Variants in RNF40 observed in about 807,000 individuals in gnomAD.
RNF40 encodes the protein E3 ubiquitin-protein ligase BRE1B.
In RNF40, 39 loss-of-function variants were observed where a neutral mutation model predicts 123.3. The observed-to-expected ratio is 0.32, with a 90% confidence interval of 0.24 to 0.41. The LOEUF (loss-of-function observed/expected upper bound fraction) is 0.41. Among genes scored for constraint, RNF40 ranks in the 10% least tolerant of loss-of-function variants. The pLI, the probability that RNF40 is intolerant of heterozygous loss-of-function variation, is 1.00. For synonymous variants in RNF40, 538 were observed against 526.0 expected (o/e 1.02, Z -0.31); for missense variants, 1,003 against 1,319.9 (o/e 0.76, Z 3.72).
chr16:30,761,952 G>A (rs1006651856), upstream of RNF40: 12 of 590,056 alleles, frequency 2.0e-5, no homozygotes, highest in Non-Finnish European at 3.5e-5. Context: ...GCTTGTGAGG[G>A]AAGGAAGGCG....
At chr16:30,762,430 TG>T in intron 1 of RNF40, 44 bp from the exon 2 acceptor site, 1 of 1,160,002 alleles carries the variant, frequency 8.6e-7, no homozygotes. Context: ...TTTGGGGCTG[TG>T]GAACACCAGC....
chr16:30,767,123 G>A (rs1259535230), intron 11 of RNF40, among the ~76,000 whole-genome samples: 1 of 152,188 alleles, frequency 6.6e-6, no homozygotes, highest in African/African-American at 2.4e-5. Flanking sequence ...CTTCTGGTCT[G>A]ATGACGTCTC....
intron 6 of RNF40, 51 bp downstream of exon 6, chr16:30,765,110 G>A: frequency 6.2e-7 from 1 of 1,611,608 alleles, no homozygotes; most frequent in Non-Finnish European, 8.5e-7. Flanking sequence ...CAGGATTTGG[G>A]TTAGATGGGC....
Position 30,766,460 on chromosome 16 carries a change from TACA to T in RNF40, c.1198_1200del (p.Asn400del). On this transcript the variant is annotated inframe_deletion, in exon 10 of 20. Transcript: ENST00000324685. This position sits in a 1 kb window ranked among gnomAD's most constrained non-coding sequence, Gnocchi z 5.4. ...GCTGCAGGCCCAATTCTCACTGCTC[TACA>T]ACGAGTCTCTGCAAGTGAAGACCCA... 1.2e-6 allele frequency: 2 copies of T among 1,613,948 alleles called. No individual in the cohort carries two copies. The highest frequency in any genetic ancestry group is 8.5e-7 in the Non-Finnish European group (1 of 1,180,022).
intron 15 of RNF40, 32 bp downstream of exon 15, chr16:30,769,019 C>T (rs776022567): frequency 9.9e-6 from 16 of 1,613,044 alleles, no homozygotes; most frequent in East Asian, 6.7e-5. Context: ...CGCGTCGGAG[C>T]GCAGGGAGTT....
At position 30,766,267 on chromosome 16, in the gene RNF40, C is replaced by T. The variant is rs1451803415; in HGVS notation, c.1098C>T (p.Thr366=). ...CCGAACTTCAGGGGGCTGTGCGGAC[C>T]AATGAGCGCCTCAAGGTGGGCTGCT... ...LQAELQGAVR[T]NERLKVALRS... Residue 366 remains threonine (T), a synonymous_variant, in exon 9 of 20, where the codon ACC becomes ACT. Coordinates refer to ENST00000324685, the MANE Select transcript of RNF40 (RefSeq NM_014771.4). The surrounding 1 kb of genome is among the most constrained non-coding windows in gnomAD (Gnocchi z 5.4). 1 of 1,614,078 alleles carries T rather than the reference C, an allele frequency of 6.2e-7. No homozygotes were observed. Among genetic ancestry groups the T allele is most frequent in the Non-Finnish European group, 8.5e-7 (1 of 1,179,998 alleles).
upstream of RNF40, chr16:30,761,814 G>A (rs2053829648): frequency 2.1e-6 from 3 of 1,406,640 alleles, no homozygotes; most frequent in South Asian, 4.2e-5. Flanking sequence ...GACAGCCAGC[G>A]CTCGGTCGGC....
Position 30,768,269 on chromosome 16 carries a change from C to G in RNF40, c.1718C>G (p.Thr573Ser). Residue 573 changes from threonine to serine, a missense_variant, in exon 13 of 20, where the codon ACT becomes AGT. By Grantham distance (58) the Thr-to-Ser change is moderately conservative. Coordinates refer to ENST00000324685, the MANE Select transcript of RNF40 (RefSeq NM_014771.4). This position sits in a 1 kb window ranked among gnomAD's most constrained non-coding sequence, Gnocchi z 4.1. ...EMAPVPGTTT[T>S]TTSVKKEELV... ...GCTCCAGTGCCTGGCACCACCACTA[C>G]TACCACTTCAGTGAAGAAGGAGGAG... 1.2e-6 allele frequency: 2 copies of G among 1,614,036 alleles called. No individual in the cohort carries two copies. The highest frequency in any genetic ancestry group is 1.1e-5 in the South Asian group (1 of 91,088).
chr16:30,762,080 T>A (rs2053843759), upstream of RNF40: 1 of 398,512 alleles, frequency 2.5e-6, no homozygotes, highest in South Asian at 3.9e-5. Flanking sequence ...GGTGCTGTCC[T>A]CCAGGCTGGG....
At chr16:30,765,960 G>T (rs2151328387) in intron 8 of RNF40, among the ~76,000 whole-genome samples, 1 of 152,290 alleles carries the variant, frequency 6.6e-6, no homozygotes, top group African/African-American at 2.4e-5. Flanking sequence ...TCAGTTAAGA[G>T]CCTTAGTTCC....
At position 30,772,155 on chromosome 16, in the gene RNF40, G is replaced by A. The variant is rs201668303; in HGVS notation, c.2794G>A (p.Asp932Asn). The stretch of plus-strand genomic sequence containing the variant: ...GAAGGTGGAGGTCTACGCAGATGCC[G>A]ACGAAATCCTCCAGGAGGAGATCAA... ...QRKVEVYADA[D>N]EILQEEIKEY... The change falls in exon 19 of 20, where the codon GAC becomes AAC. Residue 932 changes from aspartate (D) to asparagine (N), a missense_variant. This residue lies in a region of RNF40 where 76 missense variants were observed against 134.1 expected (regional missense o/e 0.57). Coordinates refer to ENST00000324685, the MANE Select transcript of RNF40 (RefSeq NM_014771.4). 3.0e-5 allele frequency: 47 copies of A among 1,553,202 alleles called. No homozygotes were observed. Among genetic ancestry groups the A allele is most frequent in the African/African-American group, 9.6e-5 (7 of 73,144 alleles).
rs757601977 is a variant in RNF40 at position 30,772,077 on chromosome 16, C to G, written c.2728-12C>G. The stretch of plus-strand genomic sequence containing the variant: ...AGGACCCTTGCCCTTAGCCAGGCCT[C>G]TCCTGCCCCAGGAGGACATCTCACG... On this transcript the variant is annotated splice_polypyrimidine_tract_variant and intron_variant, in intron 18 of 19. Transcript: ENST00000324685. The G allele has an allele frequency of 4.5e-6, 7 of 1,567,312 alleles. No individual in the cohort carries two copies. The highest frequency in any genetic ancestry group is 1.7e-4 in the Middle Eastern group (1 of 6,030).
At chr16:30,772,362 C>G in intron 19 of RNF40, 172 bp downstream of exon 19, 1 of 699,354 alleles carries the variant, frequency 1.4e-6, no homozygotes, top group Non-Finnish European at 2.6e-6. Flanking sequence ...GTGAGCCAGG[C>G]ACAGTGCTTG....
chr16:30,763,379 T>G, intron 3 of RNF40, 39 bp from the exon 4 acceptor site: 2 of 1,601,266 alleles, frequency 1.2e-6, no homozygotes, highest in Non-Finnish European at 1.7e-6. Context: ...TGGAAAGCAC[T>G]AAGGGATTCA....
rs2054206384 is a variant in RNF40 at position 30,774,881 on chromosome 16, C to G, written c.*767C>G. The G allele has an allele frequency of 2.2e-6, 1 of 450,392 alleles. No individual in the cohort carries two copies. The highest frequency in any genetic ancestry group is 2.0e-5 in the African/African-American group (1 of 50,050). The allele number at this position is 450,392 out of a possible 1,614,324, so 27.9% of individuals were successfully genotyped here. A position where few individuals can be genotyped will look rare whatever the true frequency, so the allele number is the denominator to read the frequency against. On this transcript the variant is annotated 3_prime_UTR_variant, in exon 20 of 20. Transcript: ENST00000324685. Reference sequence around the variant, plus strand: ...GCTCTACTGGGTCCCTGGACCTAACCCTGCTTTCATCCTGGTGGCCTTAAC... The same window carrying G: ...GCTCTACTGGGTCCCTGGACCTAACGCTGCTTTCATCCTGGTGGCCTTAAC...
rs1233384429 is a variant in RNF40, at chr16:30,775,435, C to T, written c.*1321C>T. The T allele has an allele frequency of 5.2e-6, 1 of 192,724 alleles. No homozygotes were observed. The highest frequency in any genetic ancestry group is 5.5e-5 in the Admixed American group (1 of 18,118). 11.9% of individuals were successfully genotyped at this position (192,724 alleles called of 1,614,324 possible). Reference sequence around the variant, plus strand: ...CCGGGGGATGCCGGGACTCCTCGGGCTGCATCCTGGGAAGTGTAGTTCCTG... The same window carrying T: ...CCGGGGGATGCCGGGACTCCTCGGGTTGCATCCTGGGAAGTGTAGTTCCTG... On this transcript the variant is annotated 3_prime_UTR_variant, in exon 20 of 20. Transcript: ENST00000324685.
Position 30,768,524 on chromosome 16 carries a change from A to C in RNF40, c.1973A>C (p.Glu658Ala), listed in dbSNP as rs757113988. The C allele has an allele frequency of 6.2e-7, 1 of 1,611,294 alleles. No homozygotes were observed. The highest frequency in any genetic ancestry group is 8.5e-7 in the Non-Finnish European group (1 of 1,178,040). Residue 658 changes from glutamate to alanine, a missense_variant, in exon 13 of 20, where the codon GAG (glutamate) becomes GCG (alanine). By Grantham distance (107) the Glu-to-Ala change is moderately radical. Around this residue, in one of 11 missense-constraint regions of RNF40, gnomAD observed 295 missense variants for 331.7 expected, o/e 0.89. Coordinates refer to ENST00000324685, the MANE Select transcript of RNF40 (RefSeq NM_014771.4). The surrounding 1 kb of genome is among the most constrained non-coding windows in gnomAD (Gnocchi z 4.1). ...ESELLKGLRA[E>A]LKKAQESQKE... ...GAACTCCTCAAGGGTCTCCGAGCAG[A>C]GCTCAAGTGAGGCTCTGTTCCTGTC...
At position 30,768,507 on chromosome 16, in the gene RNF40, C is replaced by A; in HGVS notation, c.1956C>A (p.Leu652=). 6.2e-7 allele frequency: 1 copy of A among 1,610,388 alleles called. No homozygotes were observed. Among genetic ancestry groups the A allele is most frequent in the South Asian group, 1.1e-5 (1 of 90,774 alleles). The change falls in exon 13 of 20, where the codon CTC becomes CTA. Residue 652 remains leucine, a synonymous_variant. Coordinates refer to ENST00000324685, the MANE Select transcript of RNF40 (RefSeq NM_014771.4). The surrounding 1 kb of genome is among the most constrained non-coding windows in gnomAD (Gnocchi z 4.1). ...CCAAGCGGAAGGAATCAGAACTCCTCAAGGGTCTCCGAGCAGAGCTCAAGT... is the reference window on the plus strand; with the variant it reads ...CCAAGCGGAAGGAATCAGAACTCCTAAAGGGTCTCCGAGCAGAGCTCAAGT... ...EETKRKESEL[L]KGLRAELKKA...
upstream of RNF40, chr16:30,761,779 CG>C: frequency 6.7e-7 from 1 of 1,496,618 alleles, no homozygotes; most frequent in Non-Finnish European, 8.9e-7. Context: ...CGAGGCGCCC[CG>C]GGCTCCCGCC....
Sources: allele counts gnomAD v4.1 joint callset (sites outside exome capture counted in the v4.1 genomes callset), GRCh38; gene constraint gnomAD v4.1.1; regional missense constraint gnomAD v4.1.1; non-coding constraint Gnocchi (gnomAD v3.1); transcripts MANE v1.5; gene names NCBI Gene and HGNC (gene_info 2026-07-23, HGNC 2026-07-21).